The following MYZAP variants were observed in gnomAD, a reference collection of about 807,000 sequenced individuals.
The protein encoded by MYZAP is GRINL1A complex locus upstream.
Under a neutral mutation model 69.4 loss-of-function variants are expected in MYZAP, and 66 were observed. The observed-to-expected ratio is 0.95, with a 90% confidence interval of 0.78 to 1.17. The LOEUF (loss-of-function observed/expected upper bound fraction) is 1.17. Among genes scored for constraint, MYZAP ranks in the 50% most tolerant of loss-of-function variants. The probability of loss-of-function intolerance (pLI) is 0.00; values close to 1 mark genes in which losing one functional copy is unlikely to be tolerated. For synonymous variants in MYZAP, 256 were observed against 205.9 expected, an observed-to-expected ratio of 1.24 and a Z score of -2.09; for missense variants, 611 against 556.2, an observed-to-expected ratio of 1.10 and a Z score of -0.99.
At position 57,592,015 on chromosome 15, in the gene MYZAP, C is replaced by T. The variant is rs2033698646; in HGVS notation, c.-20C>T. 8 of 1,430,958 alleles carry T rather than the reference C, an allele frequency of 5.6e-6. No homozygotes were observed. Among genetic ancestry groups the T allele is most frequent in the Non-Finnish European group, 2.7e-6 (3 of 1,096,056 alleles). The allele number at this position is 1,430,958 out of a possible 1,614,324, so 88.6% of individuals were successfully genotyped here. The stretch of plus-strand genomic sequence containing the variant: ...GGGAGGAACGCCGGCGTCCAGCCCG[C>T]TACCGACCGCCGCTGCGGGATGCTG... On this transcript the variant is annotated 5_prime_UTR_variant, in exon 1 of 13. Coordinates refer to ENST00000267853, the MANE Select transcript of MYZAP (RefSeq NM_001018100.5).
chr15:57,593,190 A>ATGCGCGCGCGCGCGTGCGCGCG (rs376306761), intron 1 of MYZAP, among the ~76,000 whole-genome samples: 15 of 108,256 alleles, frequency 1.4e-4, no homozygotes, highest in Non-Finnish European at 2.7e-4. Flanking sequence ...ACACAGGCGC[A>ATGCGCGCGCGCGCGTGCGCGCG]CACACACACA....
intron 10 of MYZAP, among the ~76,000 whole-genome samples, chr15:57,642,635 G>A (rs1384988338): frequency 6.6e-6 from 1 of 152,162 alleles, no homozygotes; most frequent in Non-Finnish European, 1.5e-5. Flanking sequence ...TGTCCATGAG[G>A]AAACTTAGTT....
At chr15:57,626,562 A>G (rs2036149174) in intron 5 of MYZAP, among the ~76,000 whole-genome samples, 1 of 152,252 alleles carries the variant, frequency 6.6e-6, no homozygotes, top group Non-Finnish European at 1.5e-5. Flanking sequence ...GAAAATGTTC[A>G]AAGCAAAGCA....
Position 57,597,514 on chromosome 15 carries a change from G to T in MYZAP, c.75+5405G>T, listed in dbSNP as rs550821983. ...TGAGCCTTGTGGGATGAAGGGCAGG[G>T]TGGTGATGGGGCAGGGAGGGGGAGT... On this transcript the variant is annotated intron_variant, in intron 1 of 12. Coordinates refer to ENST00000267853, the MANE Select transcript of MYZAP (RefSeq NM_001018100.5). Among the ~76,000 whole-genome samples, 52 of 152,322 alleles carry T rather than the reference G, an allele frequency of 3.4e-4. No homozygotes were observed. The South Asian group carries it at 4.8e-3, about 14-fold the overall frequency.
intron 2 of MYZAP, among the ~76,000 whole-genome samples, chr15:57,616,822 CT>C (rs763856721): frequency 0.014 from 678 of 50,044 alleles, 2 homozygotes; most frequent in Non-Finnish European, 0.017. Flanking sequence ...AAAAAAAGTG[CT>C]TTTTTTTTTT....
intron 11 of MYZAP, among the ~76,000 whole-genome samples, chr15:57,667,286 C>T (rs1310129986): frequency 2.6e-5 from 4 of 152,238 alleles, no homozygotes; most frequent in African/African-American, 4.8e-5. Context: ...GAGCTGCCCA[C>T]ACCCCTGGGC....
intron 3 of MYZAP, among the ~76,000 whole-genome samples, chr15:57,620,146 C>A (rs576022549): frequency 1.3e-3 from 203 of 152,302 alleles, no homozygotes; most frequent in African/African-American, 4.8e-3. Context: ...GTACCTTTAA[C>A]CTCATTTTCC....
At chr15:57,664,220 AGAGGATGT>A (rs1357424877) in intron 11 of MYZAP, among the ~76,000 whole-genome samples, 1 of 151,002 alleles carries the variant, frequency 6.6e-6, no homozygotes, top group African/African-American at 2.4e-5. Flanking sequence ...TGCTAAGATT[AGAGGATGT>A]GGGTTACATA....
At chr15:57,676,806 A>G (rs2039160122) in intron 12 of MYZAP, among the ~76,000 whole-genome samples, 1 of 152,142 alleles carries the variant, frequency 6.6e-6, no homozygotes, top group South Asian at 2.1e-4. Flanking sequence ...TGAAACCACA[A>G]AGCGGTTTTC....
intron 1 of MYZAP, among the ~76,000 whole-genome samples, chr15:57,592,878 T>C (rs1410975552): frequency 6.6e-6 from 1 of 152,154 alleles, no homozygotes; most frequent in African/African-American, 2.4e-5. Flanking sequence ...AGTTCTTCCA[T>C]TTATCATGAT....
intron 10 of MYZAP, among the ~76,000 whole-genome samples, chr15:57,650,487 T>A (rs1185106954): frequency 6.6e-6 from 1 of 152,152 alleles, no homozygotes; most frequent in African/African-American, 2.4e-5. Context: ...CTGGGAAACT[T>A]AGTGGTTAAG....
chr15:57,647,866 T>C, intron 10 of MYZAP: 1 of 985,408 alleles, frequency 1.0e-6, no homozygotes, highest in Middle Eastern at 5.2e-4. Flanking sequence ...CTTTCCTGCC[T>C]GTACTGTGAT....
chr15:57,663,747 T>A (rs1048705560), intron 11 of MYZAP, among the ~76,000 whole-genome samples: 31 of 152,292 alleles, frequency 2.0e-4, no homozygotes, highest in South Asian at 1.4e-3. Flanking sequence ...GAAACAGGAA[T>A]GCCCAGAGGA....
chr15:57,651,620 C>G (rs559988334), intron 10 of MYZAP, among the ~76,000 whole-genome samples: 8 of 152,094 alleles, frequency 5.3e-5, no homozygotes, highest in Admixed American at 3.3e-4. Flanking sequence ...TTACTTGGGT[C>G]GTAATATCAG....
intron 1 of MYZAP, among the ~76,000 whole-genome samples, chr15:57,599,043 G>C (rs11071336): frequency 6.6e-6 from 1 of 152,052 alleles, no homozygotes; most frequent in Non-Finnish European, 1.5e-5. Flanking sequence ...TGCTTAATGC[G>C]TGCCAGAAAT....
intron 5 of MYZAP, among the ~76,000 whole-genome samples, chr15:57,629,227 C>T (rs549334257): frequency 6.6e-6 from 1 of 152,208 alleles, no homozygotes; most frequent in East Asian, 1.9e-4. Flanking sequence ...ACCCATAGCC[C>T]TATCACATAG....
intron 1 of MYZAP, among the ~76,000 whole-genome samples, chr15:57,600,234 G>A (rs1465595624): frequency 6.6e-6 from 1 of 152,192 alleles, no homozygotes; most frequent in African/African-American, 2.4e-5. Context: ...TGAACAGCCA[G>A]TCCATCAGTG....
At position 57,635,282 on chromosome 15, in the gene MYZAP, G is replaced by A. The variant is rs368601788; in HGVS notation, c.933+1541G>A. 2.8e-4 allele frequency among the ~76,000 whole-genome samples: 43 copies of A among 152,322 alleles called. No homozygotes were observed. The East Asian group carries it at 8.1e-3, about 29-fold the overall frequency. Reference sequence around the variant, plus strand: ...GAGAAAAATCCACGCCAAGTGCTAAGCATGGTTCCTCGTATATAGTAAGGG... The same window carrying A: ...GAGAAAAATCCACGCCAAGTGCTAAACATGGTTCCTCGTATATAGTAAGGG... On this transcript the variant is annotated intron_variant, in intron 8 of 12. Transcript: ENST00000267853.
chr15:57,619,227 A>T (rs562307455), intron 3 of MYZAP, among the ~76,000 whole-genome samples: 2 of 152,386 alleles, frequency 1.3e-5, no homozygotes, highest in South Asian at 4.1e-4. Context: ...TTAAAAAATA[A>T]TAAATGCTTA....
Sources: gnomAD v4.1 joint callset for allele counts (sites outside exome capture counted in the v4.1 genomes callset) on GRCh38, gnomAD v4.1.1 for gene constraint, MANE v1.5 for transcripts, NCBI Gene and HGNC (gene_info 2026-07-23, HGNC 2026-07-21) for gene names.